AKAP13: variants seen among roughly 807,000 people sequenced by gnomAD.
AKAP13 encodes A-kinase anchor protein 13.
In AKAP13, 80 loss-of-function variants were observed where a neutral mutation model predicts 264.5. The observed-to-expected ratio is 0.30, with a 90% CI of 0.25 to 0.36. The LOEUF is 0.36. AKAP13 is among the 10% of genes least tolerant of loss of function. The pLI is 1.00. For synonymous variants in AKAP13, 1,380 were observed against 1,250.2 expected (o/e 1.10, Z -2.19); for missense variants, 3,712 against 3,435.2 (o/e 1.08, Z -2.01).
chr15:85,394,409 C>A lies in AKAP13; in HGVS notation c.-12+13611C>A, dbSNP rs532099719. ...GTAATGCAACTTTCTCTTCCGTAGT[C>A]CCTTAAATGTGAATTGTCCTTGATT... On this transcript the variant is annotated intron_variant, in intron 1 of 36. Transcript: ENST00000394518. Among the ~76,000 whole-genome samples the A allele has an allele frequency of 3.3e-5, 5 of 152,276 alleles. No homozygotes were observed. In the South Asian group the frequency reaches 8.3e-4, roughly 25 times the overall value.
chr15:85,485,866 C>T (rs11856869), intron 2 of AKAP13, 113 bp downstream of exon 2: 14 of 888,446 alleles, frequency 1.6e-5, no homozygotes, highest in Non-Finnish European at 2.5e-5. Context: ...AACCATATGT[C>T]CATGAATATA....
intron 1 of AKAP13, among the ~76,000 whole-genome samples, chr15:85,444,395 T>A (rs189602609): frequency 1.3e-5 from 2 of 152,098 alleles, no homozygotes; most frequent in African/African-American, 4.8e-5. Context: ...CAATAAAAGG[T>A]AGTTGAGGAG....
chr15:85,632,637 A>G (rs1039038458), intron 8 of AKAP13, among the ~76,000 whole-genome samples: 2 of 152,224 alleles, frequency 1.3e-5, no homozygotes, highest in African/African-American at 2.4e-5. Flanking sequence ...AGAAATTAGC[A>G]TATTTACTTA....
At chr15:85,714,423 C>T (rs138165901) in intron 19 of AKAP13, among the ~76,000 whole-genome samples, 126 of 152,290 alleles carry the variant, frequency 8.3e-4, no homozygotes, top group Non-Finnish European at 1.4e-3. Context: ...TCTGTAGTTA[C>T]AGGTGTTAAA....
intron 3 of AKAP13, among the ~76,000 whole-genome samples, chr15:85,526,455 G>GTA (rs998134751): frequency 1.6e-4 from 25 of 152,102 alleles, no homozygotes; most frequent in African/African-American, 5.5e-4. Flanking sequence ...GTGTGTGTGT[G>GTA]TAGATGGTGT....
chr15:85,538,921 C>T (rs2077492530), intron 4 of AKAP13, among the ~76,000 whole-genome samples: 1 of 151,342 alleles, frequency 6.6e-6, no homozygotes, highest in Non-Finnish European at 1.5e-5. Flanking sequence ...AGCTCTGCCT[C>T]CCAGGTTCAC....
In AKAP13 at chr15:85,546,321, AACACACACACACACAC is replaced by A. The variant is rs60271542; in HGVS notation, c.662+2390_662+2405del. ...TAAATTTATATAATTGTTGTTACCA[AACACACACACACACAC>A]ACACACACACACACACACACACAGC... On this transcript the variant is annotated intron_variant, in intron 5 of 36. Transcript: ENST00000394518. Among the ~76,000 whole-genome samples, 11 of 145,176 alleles carry A rather than the reference AACACACACACACACAC, an allele frequency of 7.6e-5. No individual in the cohort carries two copies. In the East Asian group the frequency reaches 9.9e-4, roughly 13 times the overall value.
At chr15:85,735,222 C>CT in intron 31 of AKAP13, 72 bp downstream of exon 31, 1 of 1,543,250 alleles carries the variant, frequency 6.5e-7, no homozygotes, top group South Asian at 1.3e-5. Context: ...ATGACTTGTA[C>CT]TTTAGTAGCT....
chr15:85,733,052 T>G (rs758973392), intron 30 of AKAP13, among the ~76,000 whole-genome samples: 3 of 152,210 alleles, frequency 2.0e-5, no homozygotes, highest in African/African-American at 7.2e-5. Flanking sequence ...GTTCTGTAAG[T>G]GAACATACTT....
At chr15:85,427,025 G>T (rs1411324569) in intron 1 of AKAP13, among the ~76,000 whole-genome samples, 1 of 142,840 alleles carries the variant, frequency 7.0e-6, no homozygotes, top group African/African-American at 2.7e-5. Flanking sequence ...GCGCCATCTC[G>T]GCTCACTGCA....
chr15:85,381,080 C>G (rs1324091464), intron 1 of AKAP13, among the ~76,000 whole-genome samples: 1 of 151,592 alleles, frequency 6.6e-6, no homozygotes, highest in Non-Finnish European at 1.5e-5. Flanking sequence ...AGGCCGTCGC[C>G]GCTTTCCGGG....
intron 10 of AKAP13, among the ~76,000 whole-genome samples, chr15:85,654,550 G>C (rs766875261): frequency 6.6e-6 from 1 of 152,088 alleles, no homozygotes; most frequent in African/African-American, 2.4e-5. Flanking sequence ...AAATGGGCTG[G>C]TCACGGTGGC....
chr15:85,715,819 A>G lies in AKAP13; in HGVS notation c.5631A>G (p.Ala1877=), dbSNP rs762846006. 2.0e-5 allele frequency: 33 copies of G among 1,612,712 alleles called. No homozygotes were observed. The highest frequency in any genetic ancestry group is 4.2e-6 in the Non-Finnish European group (5 of 1,179,762). ...PSQPKERPRS[A]VLLVDETATT... ...AGCCCAAGGAGCGTCCTCGGTCCGC[A>G]GTCCTCCTGGTGGATGAAACCGCTA... The change falls in exon 20 of 37, where the codon GCA becomes GCG. Residue 1877 remains alanine (A), a synonymous_variant. Coordinates refer to ENST00000394518, the MANE Select transcript of AKAP13 (RefSeq NM_007200.5).
intron 36 of AKAP13, 104 bp from the exon 37 acceptor site, chr15:85,744,524 C>T (rs2089307568): frequency 8.1e-7 from 1 of 1,238,398 alleles, no homozygotes; most frequent in Non-Finnish European, 1.2e-6. Context: ...CCCATAAGCC[C>T]CAGTCGCCTG....
intron 29 of AKAP13, among the ~76,000 whole-genome samples, chr15:85,728,267 A>C (rs1447189547): frequency 2.6e-5 from 4 of 152,350 alleles, no homozygotes; most frequent in East Asian, 3.9e-4. Context: ...TAAGGCTTAG[A>C]GTTAAATAAA....
In AKAP13 at chr15:85,540,691, C is replaced by CAACACAGA. The variant is rs1484252662; in HGVS notation, c.479-3080_479-3073dup. Among the ~76,000 whole-genome samples the CAACACAGA allele has an allele frequency of 2.6e-5, 4 of 152,282 alleles. No homozygotes were observed. In the East Asian group the frequency reaches 7.7e-4, roughly 29 times the overall value. ...GATGGAAGCTTTCATGCTCTTAAAA[C>CAACACAGA]AACACAGACTAAAGGAAACTAAATT... On this transcript the variant is annotated intron_variant, in intron 4 of 36. Transcript: ENST00000394518.
At position 85,693,424 on chromosome 15, in the gene AKAP13, A is replaced by G. The variant is rs2085395041; in HGVS notation, c.5437A>G (p.Thr1813Ala). 6.2e-7 allele frequency: 1 copy of G among 1,613,492 alleles called. No individual in the cohort carries two copies. The highest frequency in any genetic ancestry group is 1.1e-5 in the South Asian group (1 of 90,838). The change falls in exon 17 of 37, where the codon ACC becomes GCC. Residue 1813 changes from threonine (T) to alanine (A), a missense_variant. By Grantham distance (58) the Thr-to-Ala change is moderately conservative. Around this residue, in one of 3 missense-constraint regions of AKAP13, gnomAD observed 2,759 missense variants for 2,411.7 expected, o/e 1.14. Coordinates refer to ENST00000394518, the MANE Select transcript of AKAP13 (RefSeq NM_007200.5). ...CTGTAGCCAGTGTATGAAGCCCTTC[A>G]CCAACAAAGATGCCTATACTTGTGC... is the stretch of plus-strand genomic sequence containing the variant. ...ISCSQCMKPF[T>A]NKDAYTCANC...
chr15:85,430,479 CA>C (rs1181832413), intron 1 of AKAP13, among the ~76,000 whole-genome samples: 2 of 152,156 alleles, frequency 1.3e-5, no homozygotes, highest in Non-Finnish European at 2.9e-5. Flanking sequence ...ATCTTCCCAT[CA>C]GGGGGATGTG....
At chr15:85,673,210 T>A (rs1392531574) in intron 14 of AKAP13, among the ~76,000 whole-genome samples, 1 of 152,184 alleles carries the variant, frequency 6.6e-6, no homozygotes, top group Non-Finnish European at 1.5e-5. Flanking sequence ...ATCTGTTTTT[T>A]AAAAAATCTA....
Sources: allele counts gnomAD v4.1 joint callset (sites outside exome capture counted in the v4.1 genomes callset), GRCh38; gene constraint gnomAD v4.1.1; regional missense constraint gnomAD v4.1.1; transcripts MANE v1.5; gene names NCBI Gene and HGNC (gene_info 2026-07-23, HGNC 2026-07-21).